The following TSHR variants were observed in gnomAD, a reference collection of about 807,000 sequenced individuals.
TSHR encodes the protein thyroid stimulating hormone receptor, also known as thyrotropin receptor.
Under a neutral mutation model 64.1 loss-of-function variants are expected in TSHR, and 51 were observed. That is an observed-to-expected ratio of 0.80 (90% CI 0.64 to 1.01). The LOEUF (loss-of-function observed/expected upper bound fraction) is 1.01, where lower values mean the gene tolerates loss of function less well. Among genes scored for constraint, TSHR ranks in the 50% least tolerant of loss-of-function variants. TSHR has a pLI of 0.00. For missense variants in TSHR, 877 were observed against 942.8 expected, an observed-to-expected ratio of 0.93 and a Z score of 0.91; for synonymous variants, 361 against 361.9, an observed-to-expected ratio of 1.00 and a Z score of 0.03.
intron 1 of TSHR, among the ~76,000 whole-genome samples, chr14:80,985,882 T>C (rs180930801): frequency 3.9e-5 from 6 of 152,326 alleles, no homozygotes; most frequent in Admixed American, 3.9e-4. Flanking sequence ...TTTCATTAAG[T>C]GTATAGCACT....
intron 2 of TSHR, among the ~76,000 whole-genome samples, chr14:81,064,654 A>G (rs1886478233): frequency 6.6e-6 from 1 of 152,116 alleles, no homozygotes; most frequent in South Asian, 2.1e-4. Flanking sequence ...TAAATTAGAT[A>G]CTAATTTAGA....
At chr14:80,983,031 T>C (rs1888251867) in intron 1 of TSHR, 8 of 543,138 alleles carry the variant, frequency 1.5e-5, no homozygotes, top group Non-Finnish European at 1.7e-5. Context: ...TTGCAATGGG[T>C]ATCCATAACG....
intron 1 of TSHR, chr14:81,001,571 GC>G (rs1292388757): frequency 1.9e-6 from 1 of 525,806 alleles, no homozygotes; most frequent in African/African-American, 1.9e-5. Flanking sequence ...CCTGTGTCCA[GC>G]CCCACTGCTT....
At chr14:80,971,733 A>C (rs982420779) in intron 1 of TSHR, among the ~76,000 whole-genome samples, 1 of 152,096 alleles carries the variant, frequency 6.6e-6, no homozygotes, top group African/African-American at 2.4e-5. Context: ...CCTTGGACAT[A>C]CTCCTGTCAG....
chr14:81,014,111 T>C (rs1160258415), intron 1 of TSHR: 5 of 152,216 alleles, frequency 3.3e-5, no homozygotes, highest in Admixed American at 6.5e-5. Flanking sequence ...CAAAAGCCAG[T>C]TGGAGATCTG....
chr14:81,086,787 T>A (rs1298689874), intron 3 of TSHR, among the ~76,000 whole-genome samples: 2 of 152,178 alleles, frequency 1.3e-5, no homozygotes, highest in Admixed American at 6.5e-5. Flanking sequence ...TGGATGAACC[T>A]CACAGACATT....
chr14:81,111,708 A>C (rs1247648664), intron 8 of TSHR, among the ~76,000 whole-genome samples: 1 of 152,142 alleles, frequency 6.6e-6, no homozygotes, highest in Non-Finnish European at 1.5e-5. Flanking sequence ...TGTCTTTCTG[A>C]TGAGCACCTG....
intron 8 of TSHR, among the ~76,000 whole-genome samples, chr14:81,122,571 A>G (rs56369010): frequency 0.31 from 46,531 of 151,986 alleles, 8,021 homozygotes; most frequent in East Asian, 0.53. Context: ...GGAGAGTAGA[A>G]GAGTGTGTCA....
At chr14:81,089,865 T>C (rs1241287397) in intron 4 of TSHR, among the ~76,000 whole-genome samples, 1 of 152,192 alleles carries the variant, frequency 6.6e-6, no homozygotes, top group African/African-American at 2.4e-5. Flanking sequence ...CCCTCCCATT[T>C]GCTGATTTTG....
At chr14:81,046,439 G>GA (rs1190545605) in intron 1 of TSHR, among the ~76,000 whole-genome samples, 1 of 149,706 alleles carries the variant, frequency 6.7e-6, no homozygotes, top group Non-Finnish European at 1.5e-5. Context: ...TACAGAAGAG[G>GA]AAAAAAATAG....
chr14:81,114,935 G>T (rs1890424212), intron 8 of TSHR, among the ~76,000 whole-genome samples: 1 of 152,082 alleles, frequency 6.6e-6, no homozygotes, highest in Admixed American at 6.6e-5. Context: ...CACCTCACAT[G>T]GCAGGGTACT....
chr14:81,128,953 A>G, intron 8 of TSHR, among the ~76,000 whole-genome samples: 1 of 152,092 alleles, frequency 6.6e-6, no homozygotes, highest in East Asian at 1.9e-4. Flanking sequence ...CTCATGGAGG[A>G]TATGCTCCGA....
chr14:81,068,011 G>C (rs183729003), intron 2 of TSHR, among the ~76,000 whole-genome samples: 217 of 144,234 alleles, frequency 1.5e-3, no homozygotes, highest in African/African-American at 5.6e-3. Flanking sequence ...GTTTCTGAAG[G>C]AAGTGACAGT....
chr14:80,992,740 A>C (rs964491942), intron 1 of TSHR: 3 of 152,226 alleles, frequency 2.0e-5, no homozygotes, highest in Admixed American at 1.3e-4. Context: ...TAAACCCTAC[A>C]TTTGACTCTA....
chr14:81,013,194 A>G (rs1337478608), intron 1 of TSHR: 1 of 152,268 alleles, frequency 6.6e-6, no homozygotes, highest in Admixed American at 6.5e-5. Context: ...TTTATTAAAT[A>G]GGGAATCCTT....
intron 3 of TSHR, among the ~76,000 whole-genome samples, chr14:81,075,466 C>T (rs1887428476): frequency 6.6e-6 from 1 of 152,144 alleles, no homozygotes; most frequent in Admixed American, 6.5e-5. Context: ...ATGTTTAACA[C>T]AGTTAAACCT....
At chr14:80,956,018 A>C in intron 1 of TSHR, 168 bp downstream of exon 1, 4 of 777,928 alleles carry the variant, frequency 5.1e-6, no homozygotes, top group Non-Finnish European at 8.5e-6. Flanking sequence ...TAAAAACTTA[A>C]TCGCCCACAC....
chr14:81,061,494 G>T (rs948638241), intron 1 of TSHR, among the ~76,000 whole-genome samples: 1 of 151,986 alleles, frequency 6.6e-6, no homozygotes, highest in Admixed American at 6.6e-5. Flanking sequence ...TCCTTTTCAG[G>T]GACTTGGATG....
chr14:81,085,358 C>G (rs1888215646), intron 3 of TSHR, among the ~76,000 whole-genome samples: 1 of 152,210 alleles, frequency 6.6e-6, no homozygotes. Context: ...TTTCAAAAGT[C>G]ACTTGTGAGC....
Sources: allele counts gnomAD v4.1 joint callset (sites outside exome capture counted in the v4.1 genomes callset), GRCh38; gene constraint gnomAD v4.1.1; transcripts MANE v1.5; gene names NCBI Gene and HGNC (gene_info 2026-07-23, HGNC 2026-07-21).